Variants in INTS6 observed in about 807,000 individuals in gnomAD.
The protein encoded by INTS6 is integrator complex subunit 6, also known as DEAD box protein.
A neutral mutation model predicts 104.9 loss-of-function variants in INTS6; 16 were observed. The observed-to-expected ratio is 0.15, with a 90% CI of 0.10 to 0.23. The LOEUF (loss-of-function observed/expected upper bound fraction) is 0.23, where lower values mean the gene tolerates loss of function less well. Ranked by LOEUF, INTS6 falls within the 10% of genes least tolerant of loss-of-function variation. The pLI is 1.00. For missense variants in INTS6, 584 were observed against 1,062.8 expected, an observed-to-expected ratio of 0.55 and a Z score of 6.26; for synonymous variants, 324 against 358.7, an observed-to-expected ratio of 0.90 and a Z score of 1.09.
At chr13:51,350,021 G>A (rs1955389435), downstream of INTS6, among the ~76,000 whole-genome samples, 1 of 152,066 alleles carries the variant, frequency 6.6e-6, no homozygotes, top group Non-Finnish European at 1.5e-5. Context: ...TTTGGATCAC[G>A]GTAGACACAA....
At position 51,364,328 on chromosome 13, in the gene INTS6, A is replaced by G; in HGVS notation, c.*1424T>C. On this transcript the variant is annotated 3_prime_UTR_variant, in exon 18 of 18. Coordinates refer to ENST00000311234, the MANE Select transcript of INTS6 (RefSeq NM_012141.3). Reference sequence around the variant, plus strand: ...TCAATGCTTTTCTTCATAAAGTTATAATTTCATTTTGCTATACCCTTGAAA... The same window carrying G: ...TCAATGCTTTTCTTCATAAAGTTATGATTTCATTTTGCTATACCCTTGAAA... The G allele has an allele frequency of 8.6e-7, 1 of 1,166,994 alleles. No homozygotes were observed. Among genetic ancestry groups the G allele is most frequent in the Non-Finnish European group, 1.2e-6 (1 of 833,632 alleles). The allele number at this position is 1,166,994 out of a possible 1,614,324, so 72.3% of individuals were successfully genotyped here. A position where few individuals can be genotyped will look rare whatever the true frequency, so the allele number is the denominator to read the frequency against.
the INTS6 span, chr13:51,347,125 T>C: frequency 2.5e-6 from 4 of 1,613,516 alleles, no homozygotes; most frequent in Non-Finnish European, 3.4e-6. Flanking sequence ...TCCAAGGCAC[T>C]TGGCGAAAGA....
chr13:51,345,549 T>C, the INTS6 span, among the ~76,000 whole-genome samples: 1 of 133,040 alleles, frequency 7.5e-6, no homozygotes, highest in Non-Finnish European at 1.5e-5. Flanking sequence ...GAGCTGAGAC[T>C]GCGTCACTGC....
chr13:51,356,081 A>C (rs1209741919), intron 3 of INTS6, among the ~76,000 whole-genome samples: 1 of 152,222 alleles, frequency 6.6e-6, no homozygotes, highest in African/African-American at 2.4e-5. Flanking sequence ...AGATGTGACC[A>C]GATTGACAGT....
rs34004086 is a variant in INTS6 at position 51,375,732 on chromosome 13, TGG to T, written c.1729+314_1729+315del. On this transcript the variant is annotated intron_variant, in intron 13 of 17. Coordinates refer to ENST00000311234, the MANE Select transcript of INTS6 (RefSeq NM_012141.3). ...TATTTTAAGTATACAGTTTGATAAG[TGG>T]GTGTGTGTGTGTGTGTGTGTGTGTG... Among the ~76,000 whole-genome samples the T allele has an allele frequency of 6.3e-4, 75 of 119,072 alleles. 1 individual carries two copies. In the South Asian group the frequency reaches 8.6e-3, roughly 14 times the overall value. The allele number at this position is 119,072 out of a possible 152,430, so 78.1% of individuals were successfully genotyped here.
the INTS6 span, among the ~76,000 whole-genome samples, chr13:51,342,274 T>C: frequency 6.6e-6 from 1 of 150,848 alleles, no homozygotes; most frequent in Non-Finnish European, 1.5e-5. Context: ...CATCCCGGCC[T>C]ACCCATTCTT....
Position 51,429,762 on chromosome 13 carries a change from T to TA in INTS6, c.429+531_429+532insT, listed in dbSNP as rs1259029104. 5.0e-3 allele frequency among the ~76,000 whole-genome samples: 65 copies of TA among 12,882 alleles called. 4 individuals are homozygous for TA. In the East Asian group the frequency reaches 0.056, roughly 11 times the overall value. 8.5% of individuals were successfully genotyped at this position (12,882 alleles called of 152,430 possible). A position where few individuals can be genotyped will look rare whatever the true frequency, so the allele number is the denominator to read the frequency against. On this transcript the variant is annotated intron_variant, in intron 4 of 17. Transcript: ENST00000311234. Reference sequence around the variant, plus strand: ...CGGGGCAACAGAGTGAGACTCTGTCTCAAAAAAAAAAAAAAAAAAAAAAAT... The same window carrying TA: ...CGGGGCAACAGAGTGAGACTCTGTCTACAAAAAAAAAAAAAAAAAAAAAAAT...
At chr13:51,449,251 T>C (rs545819017) in intron 3 of INTS6, 3 of 153,054 alleles carry the variant, frequency 2.0e-5, no homozygotes, top group African/African-American at 7.2e-5. Flanking sequence ...TCCCTCTCTG[T>C]TATTGAATTA....
the INTS6 span, chr13:51,341,075 G>C: frequency 2.5e-6 from 4 of 1,611,106 alleles, no homozygotes; most frequent in East Asian, 4.5e-5. Context: ...TGAATTGCAG[G>C]AACCCTCCCA....
intron 4 of INTS6, among the ~76,000 whole-genome samples, chr13:51,413,623 C>T (rs1956730239): frequency 6.6e-6 from 1 of 152,090 alleles, no homozygotes; most frequent in Non-Finnish European, 1.5e-5. Flanking sequence ...TAAATATCTA[C>T]CTTAAAAGTG....
At position 51,376,147 on chromosome 13, in the gene INTS6, C is replaced by T. The variant is rs1955926083; in HGVS notation, c.1630G>A (p.Ala544Thr). Reference protein sequence around the residue: ...KDLKPQTFRNAYDIPRRNLLD... With the variant: ...KDLKPQTFRNTYDIPRRNLLD... ...AGATTTCGTCTTGGTATGTCATAAG[C>T]ATTTCTAAATGTCTGTGGCTTCAAA... The change falls in exon 13 of 18, where the codon GCT becomes ACT. Residue 544 changes from alanine to threonine, a missense_variant. By Grantham distance (58) the Ala-to-Thr change is moderately conservative. Around this residue, in one of 5 missense-constraint regions of INTS6, gnomAD observed 296 missense variants for 437.0 expected, o/e 0.68. Transcript: ENST00000311234. 2 of 1,609,758 alleles carry T rather than the reference C, an allele frequency of 1.2e-6. No homozygotes were observed. The highest frequency in any genetic ancestry group is 3.4e-5 in the Admixed American group (2 of 59,574).
At position 51,452,673 on chromosome 13, in the gene INTS6, G is replaced by A. The variant is rs988227586; in HGVS notation, c.-148C>T. ...CACTGTCTGGGTCTTTCCTCCGGCT[G>A]CGGGGAGTTTCTCCCCCGATAGTTG... On this transcript the variant is annotated 5_prime_UTR_variant, in exon 1 of 18. Transcript: ENST00000311234. This position sits in a 1 kb window ranked among gnomAD's most constrained non-coding sequence, Gnocchi z 4.2. 1.8e-4 allele frequency: 260 copies of A among 1,417,982 alleles called. No homozygotes were observed. The highest frequency in any genetic ancestry group is 2.6e-4 in the African/African-American group (17 of 66,038). 87.8% of individuals were successfully genotyped at this position (1,417,982 alleles called of 1,614,324 possible).
intron 4 of INTS6, among the ~76,000 whole-genome samples, chr13:51,407,609 T>C (rs1426296026): frequency 6.6e-6 from 1 of 152,238 alleles, no homozygotes; most frequent in East Asian, 1.9e-4. Context: ...CCTAATGTTC[T>C]GTCTACCTTA....
At chr13:51,441,048 TAACA>T (rs1952788617) in intron 3 of INTS6, 1 of 152,186 alleles carries the variant, frequency 6.6e-6, no homozygotes, top group South Asian at 2.1e-4. Flanking sequence ...GCTAGATGAT[TAACA>T]AATATTACTT....
chr13:51,440,572 T>C (rs1952777865), intron 3 of INTS6: 2 of 152,244 alleles, frequency 1.3e-5, no homozygotes, highest in Admixed American at 1.3e-4. Context: ...CAAGCTACAT[T>C]CATGGTAAGT....
chr13:51,353,489 A>G (rs1955431494), downstream of INTS6, among the ~76,000 whole-genome samples: 1 of 152,192 alleles, frequency 6.6e-6, no homozygotes, highest in South Asian at 2.1e-4. Flanking sequence ...AGGTAAAGTA[A>G]CTAGTTTGCA....
intron 4 of INTS6, among the ~76,000 whole-genome samples, chr13:51,399,168 C>G (rs1240974948): frequency 6.6e-6 from 1 of 152,032 alleles, no homozygotes; most frequent in Non-Finnish European, 1.5e-5. Flanking sequence ...AATGGTAGAT[C>G]GTTCATTCCT....
At chr13:51,347,253 G>T in the INTS6 span, 5 of 1,609,456 alleles carry the variant, frequency 3.1e-6, no homozygotes, top group Non-Finnish European at 4.2e-6. Flanking sequence ...TGCCCCTGCT[G>T]GTTTGTCTAA....
At chr13:51,413,111 CTG>C (rs771783501) in intron 4 of INTS6, among the ~76,000 whole-genome samples, 2 of 152,154 alleles carry the variant, frequency 1.3e-5, no homozygotes, top group East Asian at 3.8e-4. Context: ...TTCCTTGTCA[CTG>C]TGGGACAGAA....
Sources: gnomAD v4.1 joint callset for allele counts (sites outside exome capture counted in the v4.1 genomes callset) on GRCh38, gnomAD v4.1.1 for gene constraint, gnomAD v4.1.1 regional missense constraint, Gnocchi (gnomAD v3.1) non-coding constraint, MANE v1.5 for transcripts, NCBI Gene and HGNC (gene_info 2026-07-23, HGNC 2026-07-21) for gene names.